PRKCA: variants seen among roughly 807,000 people sequenced by gnomAD.
PRKCA encodes the protein protein kinase C alpha.
In PRKCA, 27 loss-of-function variants were observed where a neutral mutation model predicts 87.0. That is an observed-to-expected ratio of 0.31 (90% CI 0.23 to 0.43). PRKCA has a LOEUF of 0.43. Among genes scored for constraint, PRKCA ranks in the 20% least tolerant of loss-of-function variants. The pLI, the probability that PRKCA is intolerant of heterozygous loss-of-function variation, is 1.00. For missense variants in PRKCA, 518 were observed against 852.3 expected, an observed-to-expected ratio of 0.61 and a Z score of 4.88; for synonymous variants, 329 against 311.1, an observed-to-expected ratio of 1.06 and a Z score of -0.61.
rs184049959 is a variant in PRKCA at position 66,567,643 on chromosome 17, A to G, written c.288+71360A>G. On this transcript the variant is annotated intron_variant, in intron 3 of 16. Transcript: ENST00000413366. ...TGTCAGTGTTTGCTCTCTCCTCCCT[A>G]CCCTCTGTTACCTCAAGATTTCATG... Among the ~76,000 whole-genome samples the G allele has an allele frequency of 1.6e-3, 237 of 151,932 alleles. 4 individuals carry two copies. In the South Asian group the frequency reaches 0.018, roughly 12 times the overall value.
intron 2 of PRKCA, among the ~76,000 whole-genome samples, chr17:66,374,843 T>C (rs1423826511): frequency 6.6e-6 from 1 of 151,542 alleles, no homozygotes; most frequent in Non-Finnish European, 1.5e-5. Flanking sequence ...TTCTCATGTG[T>C]CAGTCTCCCG....
rs1915815601 is a variant in PRKCA, at chr17:66,482,135, GAA to G, written c.206-14064_206-14063del. Among the ~76,000 whole-genome samples the G allele has an allele frequency of 2.1e-5, 3 of 145,734 alleles. No individual in the cohort carries two copies. The South Asian group carries it at 6.7e-4, about 33-fold the overall frequency. ...AAAAAAAAGAAAAAAAGAAAAAAAAGAAAGTGGATCGAGTATGAATTATGAAA... is the reference window on the plus strand; with the variant it reads ...AAAAAAAAGAAAAAAAGAAAAAAAAGAGTGGATCGAGTATGAATTATGAAA... On this transcript the variant is annotated intron_variant, in intron 2 of 16. Coordinates refer to ENST00000413366, the MANE Select transcript of PRKCA (RefSeq NM_002737.3).
At chr17:66,318,081 G>A (rs1220904820) in intron 2 of PRKCA, among the ~76,000 whole-genome samples, 3 of 152,162 alleles carry the variant, frequency 2.0e-5, no homozygotes, top group Non-Finnish European at 4.4e-5. Flanking sequence ...TGAGTAATTT[G>A]CCTAACAATA....
At chr17:66,785,929 G>C (rs891434248) in intron 14 of PRKCA, among the ~76,000 whole-genome samples, 1 of 152,204 alleles carries the variant, frequency 6.6e-6, no homozygotes, top group Non-Finnish European at 1.5e-5. Context: ...CCCAGGTTCA[G>C]GCCATTCTCC....
chr17:66,423,688 G>A (rs1912619909), intron 2 of PRKCA, among the ~76,000 whole-genome samples: 1 of 152,122 alleles, frequency 6.6e-6, no homozygotes. Context: ...GTTTAGTTGA[G>A]TGGCCTCCCC....
chr17:66,554,506 C>G, intron 3 of PRKCA: 1 of 942,086 alleles, frequency 1.1e-6, no homozygotes, highest in Non-Finnish European at 1.3e-6. Flanking sequence ...CACATCATTT[C>G]TATTACCTAC....
intron 3 of PRKCA, among the ~76,000 whole-genome samples, chr17:66,586,155 G>A (rs1194275349): frequency 1.3e-5 from 2 of 152,118 alleles, no homozygotes; most frequent in Non-Finnish European, 2.9e-5. Context: ...CATTGCTATG[G>A]CACCATAACC....
intron 11 of PRKCA, among the ~76,000 whole-genome samples, chr17:66,740,741 C>A (rs1257672288): frequency 2.0e-5 from 3 of 152,170 alleles, no homozygotes; most frequent in Non-Finnish European, 4.4e-5. Flanking sequence ...CAGAGTCACC[C>A]TATGTTATAA....
intron 9 of PRKCA, among the ~76,000 whole-genome samples, chr17:66,733,734 G>T (rs183377218): frequency 6.2e-4 from 95 of 152,318 alleles, no homozygotes; most frequent in African/African-American, 2.1e-3. Flanking sequence ...GGAGGTTGCA[G>T]TAAGCCAAGA....
At chr17:66,664,421 G>A (rs537294689) in intron 5 of PRKCA, among the ~76,000 whole-genome samples, 7 of 152,204 alleles carry the variant, frequency 4.6e-5, no homozygotes, top group Admixed American at 1.3e-4. Context: ...TTAGTACCAG[G>A]AATCATCAAG....
intron 5 of PRKCA, among the ~76,000 whole-genome samples, chr17:66,658,491 A>AAACAACAAC (rs61208838): frequency 4.7e-5 from 7 of 150,384 alleles, no homozygotes; most frequent in Non-Finnish European, 8.9e-5. Flanking sequence ...CTGTCTTCAA[A>AAACAACAAC]AACAACAACA....
intron 3 of PRKCA, among the ~76,000 whole-genome samples, chr17:66,550,673 G>C (rs897639557): frequency 6.6e-6 from 1 of 151,948 alleles, no homozygotes; most frequent in African/African-American, 2.4e-5. Flanking sequence ...AATCAATAAG[G>C]CTCTGGGAAT....
intron 3 of PRKCA, among the ~76,000 whole-genome samples, chr17:66,575,184 C>T (rs1969196368): frequency 6.6e-6 from 1 of 152,176 alleles, no homozygotes. Context: ...GCAGCATCTA[C>T]AGAAGGGGTC....
chr17:66,770,740 C>A (rs989016234), intron 13 of PRKCA, among the ~76,000 whole-genome samples: 6 of 152,144 alleles, frequency 3.9e-5, no homozygotes, highest in Non-Finnish European at 7.4e-5. Flanking sequence ...AGTGAGGGTT[C>A]CAACTTTTCT....
chr17:66,407,995 C>T (rs1290836032), intron 2 of PRKCA, among the ~76,000 whole-genome samples: 1 of 152,154 alleles, frequency 6.6e-6, no homozygotes, highest in Non-Finnish European at 1.5e-5. Context: ...AGGATTTGAG[C>T]ATTTATGTAA....
At chr17:66,774,750 G>T in intron 14 of PRKCA, 1 of 985,640 alleles carries the variant, frequency 1.0e-6, no homozygotes. Context: ...GCCAATGTGT[G>T]TAATTAGTAT....
At chr17:66,565,358 C>G (rs1205939434) in intron 3 of PRKCA, among the ~76,000 whole-genome samples, 1 of 152,190 alleles carries the variant, frequency 6.6e-6, no homozygotes, top group Non-Finnish European at 1.5e-5. Flanking sequence ...ATTGTACCTT[C>G]TCCATTTACA....
At chr17:66,596,305 G>A (rs1012439861) in intron 3 of PRKCA, among the ~76,000 whole-genome samples, 2 of 152,188 alleles carry the variant, frequency 1.3e-5, no homozygotes, top group South Asian at 4.1e-4. Context: ...AAGCAAGCAA[G>A]AACAGGGCAG....
chr17:66,413,028 TAGTTC>T (rs60435495), intron 2 of PRKCA, among the ~76,000 whole-genome samples: 3 of 152,126 alleles, frequency 2.0e-5, no homozygotes, highest in Non-Finnish European at 4.4e-5. Context: ...ACCAGCTGTG[TAGTTC>T]AGTTCAGTTC....
Sources: gnomAD v4.1 joint callset for allele counts (sites outside exome capture counted in the v4.1 genomes callset) on GRCh38, gnomAD v4.1.1 for gene constraint, MANE v1.5 for transcripts, NCBI Gene and HGNC (gene_info 2026-07-23, HGNC 2026-07-21) for gene names.